The following ZFYVE26 variants were observed in gnomAD, a reference collection of about 807,000 sequenced individuals.
ZFYVE26 encodes the protein zinc finger FYVE domain-containing protein 26.
In ZFYVE26, 181 loss-of-function variants were observed where a neutral mutation model predicts 276.5. The observed-to-expected ratio is 0.65, with a 90% CI of 0.58 to 0.74. The LOEUF is 0.74. Ranked by LOEUF, ZFYVE26 falls within the 30% of genes least tolerant of loss-of-function variation. ZFYVE26 has a pLI of 0.00. For missense variants in ZFYVE26, 2,821 were observed against 3,097.9 expected, an observed-to-expected ratio of 0.91 and a Z score of 2.12; for synonymous variants, 1,129 against 1,203.1, an observed-to-expected ratio of 0.94 and a Z score of 1.27.
chr14:67,735,446 C>T, intron 13 of ZFYVE26: 1 of 601,290 alleles, frequency 1.7e-6, no homozygotes, highest in Non-Finnish European at 3.0e-6. Context: ...GGCCTTGGCT[C>T]TGCACAAACA....
At chr14:67,805,054 T>A (rs1423969694) in intron 8 of ZFYVE26, among the ~76,000 whole-genome samples, 163 bp downstream of exon 8, 1 of 152,272 alleles carries the variant, frequency 6.6e-6, no homozygotes, top group East Asian at 1.9e-4. Context: ...AATAATTACT[T>A]GTGTTTCTTT....
intron 13 of ZFYVE26, among the ~76,000 whole-genome samples, chr14:67,735,525 C>T (rs1193854539): frequency 6.6e-6 from 1 of 152,272 alleles, no homozygotes; most frequent in African/African-American, 2.4e-5. Flanking sequence ...TCCCCTGCAA[C>T]CTTCGGGGCT....
chr14:67,777,612 G>A lies in ZFYVE26; in HGVS notation c.4921C>T (p.Gln1641Ter). 1 of 1,614,158 alleles carries A rather than the reference G, an allele frequency of 6.2e-7. No individual in the cohort carries two copies. The highest frequency in any genetic ancestry group is 2.2e-5 in the East Asian group (1 of 44,878). Residue 1641 changes from glutamine to a stop codon, truncating the protein, a stop_gained, in exon 25 of 42, where the codon CAA becomes TAA. Coordinates refer to ENST00000347230, the MANE Select transcript of ZFYVE26 (RefSeq NM_015346.4). LOFTEE classifies it high-confidence loss of function. ...TCACGGTGTCGGACAGCAGTCAGTTGTCCATAGAAGTGGGTGGTGAGGTAG... is the reference window on the plus strand; with the variant it reads ...TCACGGTGTCGGACAGCAGTCAGTTATCCATAGAAGTGGGTGGTGAGGTAG... Reference protein sequence around the residue: ...ANYLTTHFYGQLTAVRHREIQ... With the variant: ...ANYLTTHFYG
rs1212061674 is a variant in ZFYVE26, at chr14:67,809,418, T to TA, written c.274-130_274-129insT. On this transcript the variant is annotated intron_variant, in intron 3 of 41. Coordinates refer to ENST00000347230, the MANE Select transcript of ZFYVE26 (RefSeq NM_015346.4). The stretch of plus-strand genomic sequence containing the variant: ...CTAAGATGAAGCACTCTTTTTTTTT[T>TA]TTTTTTTTTTTTTTTTTATTTTGAG... 1.9e-5 allele frequency: 11 copies of TA among 571,336 alleles called. No homozygotes were observed. In the African/African-American group the frequency reaches 2.1e-4, roughly 11 times the overall value. The allele number at this position is 571,336 out of a possible 1,614,324, so 35.4% of individuals were successfully genotyped here. A position where few individuals can be genotyped will look rare whatever the true frequency, so the allele number is the denominator to read the frequency against.
downstream of ZFYVE26, among the ~76,000 whole-genome samples, chr14:67,745,817 G>A (rs1280737888): frequency 2.0e-5 from 3 of 151,092 alleles, no homozygotes; most frequent in African/African-American, 7.3e-5. Context: ...CTTAAGCCCA[G>A]AAGTTCAAGA....
Position 67,748,523 on chromosome 14 carries a change from G to T in ZFYVE26, c.7533C>A (p.Ser2511Arg), listed in dbSNP as rs147494935. Residue 2511 changes from serine to arginine, a missense_variant, in exon 42 of 42, where the codon AGC (serine) becomes AGA (arginine). By Grantham distance (110) the Ser-to-Arg change is moderately radical. Transcript: ENST00000347230. ...VQQVQQAAKSSGDAVVQDICA... is the reference protein window; with the variant it reads ...VQQVQQAAKSRGDAVVQDICA... ...AGATGTCTTGCACTACTGCATCCCC[G>T]CTGCTCTTGGCGGCCTGCTGCACCT... 1.2e-6 allele frequency: 2 copies of T among 1,614,030 alleles called. No individual in the cohort carries two copies. The highest frequency in any genetic ancestry group is 1.1e-5 in the South Asian group (1 of 91,074).
Position 67,730,151 on chromosome 14 carries a change from C to T in ZFYVE26, n.2680-332G>A, listed in dbSNP as rs760238662. Among the ~76,000 whole-genome samples the T allele has an allele frequency of 1.2e-4, 19 of 152,126 alleles. 1 individual carries two copies. Among genetic ancestry groups the T allele is most frequent in the Admixed American group, 1.2e-3 (19 of 15,264 alleles). ...AATTCATATAATCATCACAACCCTG[C>T]GAGGCAGGTAATATTACCCCAAGTT... On this transcript the variant is annotated intron_variant and non_coding_transcript_variant, in intron 13 of 14. Coordinates refer to the ZFYVE26 transcript ENST00000394455.
chr14:67,815,956 T>C lies in ZFYVE26; in HGVS notation c.8A>G (p.His3Arg). The stretch of plus-strand genomic sequence containing the variant: ...AGCAGCTTCCTCTTTTCCAAATGGA[T>C]GATTCATTTTCCCAGCACAGAGTGC... MN[H>R]PFGKEEAASQ... is the part of the protein sequence containing the mutation. The change falls in exon 2 of 42, where the codon CAT becomes CGT. Residue 3 changes from histidine to arginine, a missense_variant. Transcript: ENST00000347230. 1 of 1,611,022 alleles carries C rather than the reference T, an allele frequency of 6.2e-7. No individual in the cohort carries two copies.
rs142750339 is a variant in ZFYVE26, at chr14:67,758,975, C to T, written c.6588+2391G>A. 8.0e-3 allele frequency among the ~76,000 whole-genome samples: 1,224 copies of T among 152,228 alleles called. 20 individuals carry two copies. Among genetic ancestry groups the T allele is most frequent in the African/African-American group, 0.028 (1,175 of 41,560 alleles). Reference sequence around the variant, plus strand: ...AGAAAACAGGCTGGGCACGGTGGCTCACGCCTCTAATCCCAGCACTTTGGG... The same window carrying T: ...AGAAAACAGGCTGGGCACGGTGGCTTACGCCTCTAATCCCAGCACTTTGGG... On this transcript the variant is annotated intron_variant, in intron 35 of 41. Coordinates refer to ENST00000347230, the MANE Select transcript of ZFYVE26 (RefSeq NM_015346.4).
Position 67,798,455 on chromosome 14 carries a change from C to T in ZFYVE26, c.1807G>A (p.Asp603Asn), listed in dbSNP as rs769407606. 9.3e-6 allele frequency: 15 copies of T among 1,614,190 alleles called. No individual in the cohort carries two copies. The highest frequency in any genetic ancestry group is 1.2e-5 in the Non-Finnish European group (14 of 1,180,038). ...PHLPEDYAED[D>N]DIEGKSPSGL... ...GAGGGGCTCTTCCCCTCAATGTCAT[C>T]ATCCTCAGCATAGTCCTCAGGCAAG... The change falls in exon 11 of 42, where the codon GAT becomes AAT. Residue 603 changes from aspartate (D) to asparagine (N), a missense_variant. By Grantham distance (23) the Asp-to-Asn change is conservative. Coordinates refer to ENST00000347230, the MANE Select transcript of ZFYVE26 (RefSeq NM_015346.4).
At chr14:67,738,159 C>T (rs11158687) in intron 13 of ZFYVE26, among the ~76,000 whole-genome samples, 2 of 151,436 alleles carry the variant, frequency 1.3e-5, no homozygotes, top group Non-Finnish European at 2.9e-5. Flanking sequence ...AATGGTGGAG[C>T]CATTTCTACC....
Position 67,767,778 on chromosome 14 carries a change from CT to C in ZFYVE26, c.5715del (p.Asp1906MetfsTer36), listed in dbSNP as rs868672014. 1.2e-6 allele frequency: 2 copies of C among 1,614,048 alleles called. No homozygotes were observed. Among genetic ancestry groups the C allele is most frequent in the African/African-American group, 2.7e-5 (2 of 74,912 alleles). On this transcript the variant is annotated frameshift_variant, in exon 31 of 42. Transcript: ENST00000347230. LOFTEE classifies it high-confidence loss of function. Reference sequence around the variant, plus strand: ...AGATCCAAAATCCATTCCACCTCATCTGCTTTGGGGACTCTCACCACAAACG... The same window carrying C: ...AGATCCAAAATCCATTCCACCTCATCGCTTTGGGGACTCTCACCACAAACG... ...PYSFVVRVPKADEVEWILDLK... is the reference protein window; with the variant it reads ...PYSFVVRVPKXDEVEWILDLK...
Position 67,756,089 on chromosome 14 carries a change from C to T in ZFYVE26, c.6645G>A (p.Gly2215=), listed in dbSNP as rs1278427910. 7.4e-6 allele frequency: 12 copies of T among 1,614,102 alleles called. No individual in the cohort carries two copies. The highest frequency in any genetic ancestry group is 1.7e-5 in the Admixed American group (1 of 59,998). The change falls in exon 36 of 42, where the codon GGG becomes GGA. Residue 2215 remains glycine, a synonymous_variant. Transcript: ENST00000347230. ...EGIFQPSYKS[G]KLHTLENLLE... is the part of the protein sequence containing the mutation. ...GCAAGTTCTCCAAAGTGTGTAGCTT[C>T]CCACTTTTATAGCTTGGTTGGAAAA...
downstream of ZFYVE26, among the ~76,000 whole-genome samples, chr14:67,744,049 A>T (rs948057934): frequency 2.0e-5 from 3 of 152,244 alleles, no homozygotes; most frequent in Non-Finnish European, 4.4e-5. Flanking sequence ...TGGAAGAACT[A>T]AACATTTCAA....
rs1266362137 is a variant in ZFYVE26 at position 67,756,054 on chromosome 14, A to G, written c.6680T>C (p.Ile2227Thr). Reference protein sequence around the residue: ...LHTLENLLESIDPTLESWGKY... With the variant: ...LHTLENLLESTDPTLESWGKY... ...TCCCCAGCTCTCCAAGGTTGGATCA[A>G]TGGATTCTAGCAAGTTCTCCAAAGT... The change falls in exon 36 of 42, where the codon ATT becomes ACT. Residue 2227 changes from isoleucine to threonine, a missense_variant. Ile to Thr is a moderately conservative substitution (Grantham distance 89). Transcript: ENST00000347230. The G allele has an allele frequency of 1.2e-6, 2 of 1,614,112 alleles. No individual in the cohort carries two copies. The highest frequency in any genetic ancestry group is 1.7e-6 in the Non-Finnish European group (2 of 1,180,050).
At chr14:67,733,992 G>A (rs1443218229) in intron 13 of ZFYVE26, 2 of 640,048 alleles carry the variant, frequency 3.1e-6, no homozygotes, top group Non-Finnish European at 5.8e-6. Context: ...ACCCTTCTGG[G>A]AATGTTTGCA....
chr14:67,777,997 C>T (rs2039392659), intron 24 of ZFYVE26, 129 bp downstream of exon 24: 1 of 1,426,152 alleles, frequency 7.0e-7, no homozygotes, highest in African/African-American at 1.4e-5. Flanking sequence ...ATGACTATAA[C>T]CAGCTCCTGA....
intron 16 of ZFYVE26, among the ~76,000 whole-genome samples, chr14:67,787,060 G>A (rs913430351): frequency 6.6e-6 from 1 of 152,286 alleles, no homozygotes. Flanking sequence ...TAAGGGGTGG[G>A]GGAAGATGGA....
intron 3 of ZFYVE26, among the ~76,000 whole-genome samples, chr14:67,813,653 AT>A (rs1267078374): frequency 6.6e-6 from 1 of 152,256 alleles, no homozygotes; most frequent in Non-Finnish European, 1.5e-5. Context: ...AGCTCAGCCC[AT>A]TCTCTATTAC....
Sources: allele counts gnomAD v4.1 joint callset (sites outside exome capture counted in the v4.1 genomes callset), GRCh38; gene constraint gnomAD v4.1.1; transcripts MANE v1.5; gene names NCBI Gene and HGNC (gene_info 2026-07-23, HGNC 2026-07-21).